CALN1: variants seen among roughly 807,000 people sequenced by gnomAD.
CALN1 encodes the protein calcium-binding protein 8.
A neutral mutation model predicts 30.6 loss-of-function variants in CALN1; 17 were observed. The observed-to-expected ratio is 0.56, with a 90% confidence interval of 0.38 to 0.83. The LOEUF is 0.83. Among genes scored for constraint, CALN1 ranks in the 40% least tolerant of loss-of-function variants. The pLI is 0.00. For missense variants in CALN1, 291 were observed against 354.9 expected (o/e 0.82, Z 1.45); for synonymous variants, 156 against 131.4 (o/e 1.19, Z -1.28).
chr7:72,086,341 C>A (rs1333105861), intron 4 of CALN1, among the ~76,000 whole-genome samples: 1 of 151,992 alleles, frequency 6.6e-6, no homozygotes, highest in African/African-American at 2.4e-5. Context: ...TGGAAAAGTC[C>A]CAAATACCCT....
At chr7:72,285,243 G>GTT (rs988632679) in intron 2 of CALN1, among the ~76,000 whole-genome samples, 37 of 151,974 alleles carry the variant, frequency 2.4e-4, no homozygotes, top group African/African-American at 8.9e-4. Flanking sequence ...ACTGGTTTTT[G>GTT]TTTTGTTTTG....
chr7:72,259,576 G>A (rs1796138541), intron 3 of CALN1, among the ~76,000 whole-genome samples: 2 of 152,146 alleles, frequency 1.3e-5, no homozygotes, highest in Non-Finnish European at 1.5e-5. Flanking sequence ...AAGCTAAGCG[G>A]GAATCCCACT....
chr7:72,003,954 A>G (rs1159408088), intron 5 of CALN1, among the ~76,000 whole-genome samples: 1 of 152,134 alleles, frequency 6.6e-6, no homozygotes, highest in Non-Finnish European at 1.5e-5. Flanking sequence ...AAAGATGCCA[A>G]TTCTCCCAAG....
intron 1 of CALN1, among the ~76,000 whole-genome samples, chr7:72,441,471 G>A (rs73366911): frequency 0.063 from 9,547 of 151,744 alleles, 692 homozygotes; most frequent in East Asian, 0.3. Flanking sequence ...GGTGACATGC[G>A]CCTATAATCC....
intron 4 of CALN1, among the ~76,000 whole-genome samples, chr7:72,037,712 A>G (rs1161528688): frequency 1.3e-5 from 2 of 152,022 alleles, no homozygotes; most frequent in Non-Finnish European, 2.9e-5. Flanking sequence ...TTCCTGAAAC[A>G]CTAGTACAGG....
intron 5 of CALN1, among the ~76,000 whole-genome samples, chr7:71,942,806 C>T (rs761586537): frequency 1.3e-5 from 2 of 152,098 alleles, no homozygotes; most frequent in Admixed American, 6.5e-5. Context: ...AACCTAAAGC[C>T]GGGAACTGCT....
At chr7:72,149,444 G>T (rs551528433) in intron 3 of CALN1, among the ~76,000 whole-genome samples, 3 of 152,246 alleles carry the variant, frequency 2.0e-5, no homozygotes, top group South Asian at 2.1e-4. Context: ...TCCAGGCTGG[G>T]TGACAGAGTG....
intron 2 of CALN1, among the ~76,000 whole-genome samples, chr7:72,361,912 A>G (rs1004857656): frequency 6.6e-6 from 1 of 150,624 alleles, no homozygotes; most frequent in African/African-American, 2.4e-5. Flanking sequence ...AAATCACCAA[A>G]GAGAAAAAAG....
chr7:72,097,913 C>A (rs997781878), intron 4 of CALN1, among the ~76,000 whole-genome samples: 4 of 152,014 alleles, frequency 2.6e-5, no homozygotes, highest in Admixed American at 2.6e-4. Context: ...GGGGTTTCAC[C>A]ATATTGGCCA....
chr7:71,847,719 G>GAAGAAAGAAGA (rs71092924), intron 5 of CALN1, among the ~76,000 whole-genome samples: 1,843 of 120,494 alleles, frequency 0.015, 47 homozygotes, highest in East Asian at 0.091. Flanking sequence ...AAAGAAGAAA[G>GAAGAAAGAAGA]AAGAAGAAAG....
At chr7:72,170,438 T>G (rs1788856985) in intron 3 of CALN1, among the ~76,000 whole-genome samples, 1 of 152,222 alleles carries the variant, frequency 6.6e-6, no homozygotes, top group Admixed American at 6.5e-5. Flanking sequence ...GTCAACCAGA[T>G]GAGCAGCAGC....
intron 1 of CALN1, among the ~76,000 whole-genome samples, chr7:72,435,644 C>G (rs1459553908): frequency 6.6e-6 from 1 of 152,216 alleles, no homozygotes; most frequent in African/African-American, 2.4e-5. Context: ...CCACTTAGGG[C>G]TCTCTGGAGA....
chr7:72,391,128 A>G (rs1805552426), intron 2 of CALN1, among the ~76,000 whole-genome samples: 1 of 152,134 alleles, frequency 6.6e-6, no homozygotes, highest in African/African-American at 2.4e-5. Flanking sequence ...GGATGGAGTA[A>G]AACAAATTTC....
intron 4 of CALN1, among the ~76,000 whole-genome samples, chr7:72,047,677 T>C (rs901589947): frequency 1.3e-5 from 2 of 152,190 alleles, no homozygotes; most frequent in Non-Finnish European, 1.5e-5. Context: ...AGTCAAAGCC[T>C]ACCTGGGACG....
intron 5 of CALN1, among the ~76,000 whole-genome samples, chr7:71,984,808 A>G (rs1372509738): frequency 6.6e-6 from 1 of 152,184 alleles, no homozygotes; most frequent in African/African-American, 2.4e-5. Flanking sequence ...AACACACCTG[A>G]ATGACTCTGG....
At chr7:71,947,448 T>G (rs1427528418) in intron 5 of CALN1, among the ~76,000 whole-genome samples, 1 of 152,132 alleles carries the variant, frequency 6.6e-6, no homozygotes, top group Non-Finnish European at 1.5e-5. Flanking sequence ...ATGATACTGA[T>G]AGTGAGAATG....
chr7:71,788,498 T>TTG (rs1554336524), intron 6 of CALN1, among the ~76,000 whole-genome samples: 1 of 150,426 alleles, frequency 6.6e-6, no homozygotes, highest in African/African-American at 2.5e-5. Flanking sequence ...GTTGTTTTTT[T>TTG]TTTTTTTTTT....
chr7:72,429,745 A>G (rs1045196208), intron 1 of CALN1, among the ~76,000 whole-genome samples: 19 of 135,398 alleles, frequency 1.4e-4, no homozygotes, highest in African/African-American at 5.3e-4. Flanking sequence ...CTGTGTATAT[A>G]TATATATACA....
At chr7:71,955,194 C>G (rs1390556585) in intron 5 of CALN1, among the ~76,000 whole-genome samples, 2 of 152,002 alleles carry the variant, frequency 1.3e-5, no homozygotes, top group African/African-American at 2.4e-5. Flanking sequence ...AAACGGAAAA[C>G]CCCTGATAAA....
Sources: gnomAD v4.1 joint callset for allele counts (sites outside exome capture counted in the v4.1 genomes callset) on GRCh38, gnomAD v4.1.1 for gene constraint, MANE v1.5 for transcripts, NCBI Gene and HGNC (gene_info 2026-07-23, HGNC 2026-07-21) for gene names.